C1GALT1C1L: variants seen among roughly 807,000 people sequenced by gnomAD.
C1GALT1C1L encodes the protein C1GALT1-specific chaperone 1-like protein.
Under a neutral mutation model 0.5 loss-of-function variants are expected in C1GALT1C1L, and 1 was observed. The observed-to-expected ratio is 2.11, with a 90% CI of 0.75 to 10.02. The LOEUF is 10.02. Among genes scored for constraint, C1GALT1C1L ranks in the 30% most tolerant of loss-of-function variants. The pLI, the probability that C1GALT1C1L is intolerant of heterozygous loss-of-function variation, is 0.13. For missense variants in C1GALT1C1L, 444 were observed against 375.5 expected, an observed-to-expected ratio of 1.18 and a Z score of -1.51; for synonymous variants, 148 against 132.6, an observed-to-expected ratio of 1.12 and a Z score of -0.80.
rs754668514 is a variant in C1GALT1C1L, at chr2:43,675,410, C to G, written c.913G>C (p.Val305Leu). ...TCTGAACCAACTGGAGGCAAGAAAACGAGTGTGTCATTGAAATAGTGTCCA... is the reference window on the plus strand; with the variant it reads ...TCTGAACCAACTGGAGGCAAGAAAAGGAGTGTGTCATTGAAATAGTGTCCA... ...AFGHYFNDTL[V>L]FLPPVGSEND The change falls in exon 1 of 1, where the codon GTT (valine) becomes CTT (leucine). Residue 305 changes from valine to leucine, a missense_variant. Coordinates refer to ENST00000475092, the MANE Select transcript of C1GALT1C1L (RefSeq NM_001101330.3). The G allele has an allele frequency of 3.7e-6, 6 of 1,603,778 alleles. No homozygotes were observed. The highest frequency in any genetic ancestry group is 4.3e-6 in the Non-Finnish European group (5 of 1,175,360).
Position 43,675,847 on chromosome 2 carries a change from C to G in C1GALT1C1L, c.476G>C (p.Arg159Thr), listed in dbSNP as rs750900096. The part of the protein sequence containing the change: ...IENLKYLLFT[R>T]DASQPFYLGH... ...CAGATAGAAGGGCTGGGATGCATCC[C>G]TTGTAAACAAAAGGTACTTTAAATT... The change falls in exon 1 of 1, where the codon AGG becomes ACG. Residue 159 changes from arginine to threonine, a missense_variant. Arg to Thr is a moderately conservative substitution (Grantham distance 71). Coordinates refer to ENST00000475092, the MANE Select transcript of C1GALT1C1L (RefSeq NM_001101330.3). The G allele has an allele frequency of 6.2e-7, 1 of 1,613,918 alleles. No homozygotes were observed. Among genetic ancestry groups the G allele is most frequent in the Admixed American group, 1.7e-5 (1 of 60,004 alleles).
rs780239795 is a variant in C1GALT1C1L at position 43,675,546 on chromosome 2, G to T, written c.777C>A (p.Asn259Lys). 3 of 1,613,844 alleles carry T rather than the reference G, an allele frequency of 1.9e-6. No homozygotes were observed. In the South Asian group the frequency reaches 3.3e-5, roughly 18 times the overall value. ...AQLIEEALSN[N>K]PQQVVEGCCS... is the part of the protein sequence containing the mutation. Reference sequence around the variant, plus strand: ...AGCAGCCTTCTACTACTTGCTGAGGGTTATTAGACAATGCCTCTTCAATAA... The same window carrying T: ...AGCAGCCTTCTACTACTTGCTGAGGTTTATTAGACAATGCCTCTTCAATAA... Residue 259 changes from asparagine (N) to lysine (K), a missense_variant, in exon 1 of 1, where the codon AAC (asparagine) becomes AAA (lysine). Transcript: ENST00000475092.
Position 43,676,404 on chromosome 2 carries a change from G to C in C1GALT1C1L, c.-82C>G. ...GGGTCCCGCGCCTTCCGGAGCTGGC[G>C]GCTGCGCTCCCGGTTGGGCCACTCT... On this transcript the variant is annotated 5_prime_UTR_variant, in exon 1 of 1. Coordinates refer to ENST00000475092, the MANE Select transcript of C1GALT1C1L (RefSeq NM_001101330.3). The C allele has an allele frequency of 8.5e-7, 1 of 1,178,074 alleles. No individual in the cohort carries two copies. Among genetic ancestry groups the C allele is most frequent in the Non-Finnish European group, 1.2e-6 (1 of 847,910 alleles). The allele number at this position is 1,178,074 out of a possible 1,614,324, so 73.0% of individuals were successfully genotyped here. A position where few individuals can be genotyped will look rare whatever the true frequency, so the allele number is the denominator to read the frequency against.
In C1GALT1C1L at chr2:43,675,779, C is replaced by G; in HGVS notation, c.544G>C (p.Glu182Gln). The change falls in exon 1 of 1, where the codon GAA becomes CAA. Residue 182 changes from glutamate (E) to glutamine (Q), a missense_variant. Transcript: ENST00000475092. The stretch of plus-strand genomic sequence containing the variant: ...TCTCTGCTTAAGACAATCCCTCCTT[C>G]CACAGTCACGTATTCGAGGTCTCCA... ...IFGDLEYVTV[E>Q]GGIVLSRELM... is the part of the protein sequence containing the mutation. The G allele has an allele frequency of 6.2e-7, 1 of 1,613,646 alleles. No individual in the cohort carries two copies. Among genetic ancestry groups the G allele is most frequent in the Non-Finnish European group, 8.5e-7 (1 of 1,179,724 alleles).
In C1GALT1C1L at chr2:43,675,983, T is replaced by C; in HGVS notation, c.340A>G (p.Asn114Asp). Residue 114 changes from asparagine (N) to aspartate (D), a missense_variant, in exon 1 of 1, where the codon AAT becomes GAT. Transcript: ENST00000475092. ...KNDNLFNIES[N>D]DRWVQMRTAY... ...GTCCTCATCTGTACCCACCTGTCAT[T>C]ACTTTCTATATTGAACAAATTATCA... 6.2e-7 allele frequency: 1 copy of C among 1,614,042 alleles called. No individual in the cohort carries two copies. The highest frequency in any genetic ancestry group is 8.5e-7 in the Non-Finnish European group (1 of 1,179,896).
At position 43,675,353 on chromosome 2, in the gene C1GALT1C1L, C is replaced by T; in HGVS notation, c.*22G>A. ...ACATTTCAAGTGCTCTTGGACAGCA[C>T]AGGTCTATTATTCTCCAGGCCTCAG... is the stretch of plus-strand genomic sequence containing the variant. On this transcript the variant is annotated 3_prime_UTR_variant, in exon 1 of 1. Transcript: ENST00000475092. 6.6e-7 allele frequency: 1 copy of T among 1,522,166 alleles called. No individual in the cohort carries two copies. 94.3% of individuals were successfully genotyped at this position (1,522,166 alleles called of 1,614,324 possible).
rs1667756720 is a variant in C1GALT1C1L at position 43,676,039 on chromosome 2, C to G, written c.284G>C (p.Cys95Ser). 6.2e-7 allele frequency: 1 copy of G among 1,613,896 alleles called. No homozygotes were observed. Among genetic ancestry groups the G allele is most frequent in the Admixed American group, 1.7e-5 (1 of 60,010 alleles). ...AGTATCGTAGAGCTCTGCTTTGTCA[C>G]AGTGTTTGGTCCAGGTCTCTTTCAG... ...AVLKETWTKHCDKAELYDTKN... is the reference protein window; with the variant it reads ...AVLKETWTKHSDKAELYDTKN... The change falls in exon 1 of 1, where the codon TGT becomes TCT. Residue 95 changes from cysteine (C) to serine (S), a missense_variant. Transcript: ENST00000475092.
Position 43,675,944 on chromosome 2 carries a change from C to G in C1GALT1C1L, c.379G>C (p.Val127Leu). Reference protein sequence around the residue: ...WVQMRTAYKYVFEKYGDNYNW... With the variant: ...WVQMRTAYKYLFEKYGDNYNW... ...TAGTTGTCACCATACTTTTCAAAGA[C>G]GTATTTGTAAGCGGTCCTCATCTGT... Residue 127 changes from valine (V) to leucine (L), a missense_variant, in exon 1 of 1, where the codon GTC becomes CTC. Transcript: ENST00000475092. 6.2e-7 allele frequency: 1 copy of G among 1,613,982 alleles called. No homozygotes were observed. Among genetic ancestry groups the G allele is most frequent in the African/African-American group, 1.3e-5 (1 of 75,032 alleles).
Position 43,676,372 on chromosome 2 carries a change from G to A in C1GALT1C1L, c.-50C>T, listed in dbSNP as rs1202283250. 6.9e-7 allele frequency: 1 copy of A among 1,442,936 alleles called. No homozygotes were observed. The highest frequency in any genetic ancestry group is 1.4e-5 in the South Asian group (1 of 72,864). The allele number at this position is 1,442,936 out of a possible 1,614,324, so 89.4% of individuals were successfully genotyped here. A position where few individuals can be genotyped will look rare whatever the true frequency, so the allele number is the denominator to read the frequency against. ...CAGGGTCAAAGGCAGCCTGGGACCG[G>A]GTCCTGGGGTCCCGCGCCTTCCGGA... On this transcript the variant is annotated 5_prime_UTR_variant, in exon 1 of 1. Coordinates refer to ENST00000475092, the MANE Select transcript of C1GALT1C1L (RefSeq NM_001101330.3).
the C1GALT1C1L span, chr2:43,675,915 GT>G: frequency 6.2e-7 from 1 of 1,614,082 alleles, no homozygotes; most frequent in Non-Finnish European, 8.5e-7. Context: ...GGAAGAACCA[GT>G]TGTAGTTGTC....
Position 43,675,912 on chromosome 2 carries a change from C to G in C1GALT1C1L, c.411G>C (p.Trp137Cys). Reference protein sequence around the residue: ...VFEKYGDNYNWFFLALPTTFA... With the variant: ...VFEKYGDNYNCFFLALPTTFA... ...ACGTAGTGGGAAGTGCAAGGAAGAA[C>G]CAGTTGTAGTTGTCACCATACTTTT... Residue 137 changes from tryptophan to cysteine, a missense_variant, in exon 1 of 1, where the codon TGG becomes TGC. Trp to Cys is a radical substitution (Grantham distance 215). Transcript: ENST00000475092. The G allele has an allele frequency of 6.2e-7, 1 of 1,614,044 alleles. No homozygotes were observed. The highest frequency in any genetic ancestry group is 1.6e-4 in the Middle Eastern group (1 of 6,062).
Position 43,675,348 on chromosome 2 carries a change from C to G in C1GALT1C1L, c.*27G>C, listed in dbSNP as rs536262848. 56 of 1,486,118 alleles carry G rather than the reference C, an allele frequency of 3.8e-5. 1 individual carries two copies. In the South Asian group the frequency reaches 7.6e-4, roughly 20 times the overall value. 92.1% of individuals were successfully genotyped at this position (1,486,118 alleles called of 1,614,324 possible). ...TAGCCACATTTCAAGTGCTCTTGGA[C>G]AGCACAGGTCTATTATTCTCCAGGC... On this transcript the variant is annotated 3_prime_UTR_variant, in exon 1 of 1. Coordinates refer to ENST00000475092, the MANE Select transcript of C1GALT1C1L (RefSeq NM_001101330.3).
rs1234372102 is a variant in C1GALT1C1L, at chr2:43,675,909, G to T, written c.414C>A (p.Phe138Leu). ...FEKYGDNYNW[F>L]FLALPTTFAV... is the part of the protein sequence containing the mutation. ...CAAACGTAGTGGGAAGTGCAAGGAA[G>T]AACCAGTTGTAGTTGTCACCATACT... Residue 138 changes from phenylalanine (F) to leucine (L), a missense_variant, in exon 1 of 1, where the codon TTC (phenylalanine) becomes TTA (leucine). Phe to Leu is a conservative substitution (Grantham distance 22, BLOSUM62 0). Coordinates refer to ENST00000475092, the MANE Select transcript of C1GALT1C1L (RefSeq NM_001101330.3). 1.9e-6 allele frequency: 3 copies of T among 1,613,998 alleles called. No homozygotes were observed. The highest frequency in any genetic ancestry group is 2.5e-6 in the Non-Finnish European group (3 of 1,179,964).
Position 43,676,350 on chromosome 2 carries a change from G to T in C1GALT1C1L, c.-28C>A. 1 of 1,540,452 alleles carries T rather than the reference G, an allele frequency of 6.5e-7. No individual in the cohort carries two copies. The highest frequency in any genetic ancestry group is 2.0e-5 in the Admixed American group (1 of 50,834). On this transcript the variant is annotated 5_prime_UTR_variant, in exon 1 of 1. Transcript: ENST00000475092. ...TCCAGGCGTTAGGACAGTGTGCCAG[G>T]GTCAAAGGCAGCCTGGGACCGGGTC...
rs764475215 is a variant in C1GALT1C1L, at chr2:43,675,777, T to G, written c.546A>C (p.Glu182Asp). Residue 182 changes from glutamate (E) to aspartate (D), a missense_variant, in exon 1 of 1, where the codon GAA becomes GAC. Physicochemically the swap from Glu to Asp is conservative, Grantham distance 45 (BLOSUM62 2). Transcript: ENST00000475092. ...IFGDLEYVTV[E>D]GGIVLSRELM... ...ACTCTCTGCTTAAGACAATCCCTCC[T>G]TCCACAGTCACGTATTCGAGGTCTC... The G allele has an allele frequency of 3.7e-6, 6 of 1,613,586 alleles. No individual in the cohort carries two copies. The South Asian group carries it at 6.6e-5, about 18-fold the overall frequency.
Position 43,676,227 on chromosome 2 carries a change from T to C in C1GALT1C1L, c.96A>G (p.Arg32=), listed in dbSNP as rs1194924737. Residue 32 remains arginine, a synonymous_variant, in exon 1 of 1, where the codon CGA becomes CGG. Coordinates refer to ENST00000475092, the MANE Select transcript of C1GALT1C1L (RefSeq NM_001101330.3). ...CGTGGTCTTGAGTTTGACCTCTGTGTCGAATGTGAATTTGGCCAAACATAG... is the reference window on the plus strand; with the variant it reads ...CGTGGTCTTGAGTTTGACCTCTGTGCCGAATGTGAATTTGGCCAAACATAG... The part of the protein sequence containing the change: ...LITMFGQIHI[R]HRGQTQDHEH... 2 of 1,613,974 alleles carry C rather than the reference T, an allele frequency of 1.2e-6. No homozygotes were observed.
In C1GALT1C1L at chr2:43,675,772, C is replaced by T; in HGVS notation, c.551G>A (p.Gly184Glu). Residue 184 changes from glycine (G) to glutamate (E), a missense_variant, in exon 1 of 1, where the codon GGG (glycine) becomes GAG (glutamate). Coordinates refer to ENST00000475092, the MANE Select transcript of C1GALT1C1L (RefSeq NM_001101330.3). ...CATCAACTCTCTGCTTAAGACAATC[C>T]CTCCTTCCACAGTCACGTATTCGAG... ...GDLEYVTVEGGIVLSRELMKR... is the reference protein window; with the variant it reads ...GDLEYVTVEGEIVLSRELMKR... 1 of 1,613,608 alleles carries T rather than the reference C, an allele frequency of 6.2e-7. No homozygotes were observed. The highest frequency in any genetic ancestry group is 8.5e-7 in the Non-Finnish European group (1 of 1,179,706).
Position 43,675,411 on chromosome 2 carries a change from G to A in C1GALT1C1L, c.912C>T (p.Leu304=), listed in dbSNP as rs765071767. 3 of 1,604,996 alleles carry A rather than the reference G, an allele frequency of 1.9e-6. No homozygotes were observed. The highest frequency in any genetic ancestry group is 1.7e-6 in the Non-Finnish European group (2 of 1,175,998). The change falls in exon 1 of 1, where the codon CTC becomes CTT. Residue 304 remains leucine, a synonymous_variant. Coordinates refer to ENST00000475092, the MANE Select transcript of C1GALT1C1L (RefSeq NM_001101330.3). ...RAFGHYFNDT[L]VFLPPVGSEN... The stretch of plus-strand genomic sequence containing the variant: ...CTGAACCAACTGGAGGCAAGAAAAC[G>A]AGTGTGTCATTGAAATAGTGTCCAA...
Position 43,676,203 on chromosome 2 carries a change from G to C in C1GALT1C1L, c.120C>G (p.His40Gln). ...HIRHRGQTQDHEHHHLRPPNR... is the reference protein window; with the variant it reads ...HIRHRGQTQDQEHHHLRPPNR... ...TAGGTGGACGAAGGTGATGGTGCTCGTGGTCTTGAGTTTGACCTCTGTGTC... is the reference window on the plus strand; with the variant it reads ...TAGGTGGACGAAGGTGATGGTGCTCCTGGTCTTGAGTTTGACCTCTGTGTC... The change falls in exon 1 of 1, where the codon CAC (histidine) becomes CAG (glutamine). Residue 40 changes from histidine (H) to glutamine (Q), a missense_variant. Transcript: ENST00000475092. 4 of 1,614,016 alleles carry C rather than the reference G, an allele frequency of 2.5e-6. No individual in the cohort carries two copies. Among genetic ancestry groups the C allele is most frequent in the East Asian group, 4.5e-5 (2 of 44,886 alleles).
Sources: gnomAD v4.1 joint callset for allele counts on GRCh38, gnomAD v4.1.1 for gene constraint, MANE v1.5 for transcripts, NCBI Gene and HGNC (gene_info 2026-07-23, HGNC 2026-07-21) for gene names.